The following C6orf89 variants were observed in gnomAD, a reference collection of about 807,000 sequenced individuals.
C6orf89 encodes chromosome 6 open reading frame 89, also known as bombesin receptor-activated protein C6orf89.
In C6orf89, 29 loss-of-function variants were observed where a neutral mutation model predicts 40.7. The observed-to-expected ratio is 0.71, with a 90% CI of 0.53 to 0.97. The LOEUF (loss-of-function observed/expected upper bound fraction) is 0.97. Among genes scored for constraint, C6orf89 ranks in the 50% least tolerant of loss-of-function variants. The pLI is 0.00. For synonymous variants in C6orf89, 165 were observed against 152.2 expected, an observed-to-expected ratio of 1.08 and a Z score of -0.62; for missense variants, 392 against 429.1, an observed-to-expected ratio of 0.91 and a Z score of 0.76.
At chr6:36,880,092 A>C (rs1303619327) in intron 2 of C6orf89, among the ~76,000 whole-genome samples, 1 of 152,162 alleles carries the variant, frequency 6.6e-6, no homozygotes, top group Non-Finnish European at 1.5e-5. Flanking sequence ...GACTATCTTA[A>C]ATTTTCCTTC....
intron 4 of C6orf89, among the ~76,000 whole-genome samples, chr6:36,913,524 G>A (rs1362257447): frequency 6.6e-6 from 1 of 152,228 alleles, no homozygotes. Flanking sequence ...TGTGTGAGAA[G>A]TGCATTAGGG....
Position 36,928,490 on chromosome 6 carries a change from C to T in C6orf89, c.*5049C>T. 6.5e-6 allele frequency: 1 copy of T among 153,018 alleles called. No homozygotes were observed. Among genetic ancestry groups the T allele is most frequent in the Non-Finnish European group, 1.5e-5 (1 of 68,448 alleles). 9.5% of individuals were successfully genotyped at this position (153,018 alleles called of 1,614,324 possible). On this transcript the variant is annotated 3_prime_UTR_variant, in exon 9 of 9. Coordinates refer to ENST00000480824, the MANE Select transcript of C6orf89 (RefSeq NM_001286635.2). ...GACCCTTCCAGGGAGGTGACAGGAG[C>T]CAGCAGACACATGACATTCCCAGAA...
At chr6:36,923,274 T>A (rs1418570640) in intron 8 of C6orf89, 73 bp from the exon 9 acceptor site, 2 of 1,115,684 alleles carry the variant, frequency 1.8e-6, no homozygotes, top group African/African-American at 3.1e-5. Context: ...CTGGCAGACC[T>A]GCCTTGCTCG....
rs189377716 is a variant in C6orf89, at chr6:36,878,662, G to T, written c.-627-346G>T. ...GGATGAACTATAACCTAGCTTTATA[G>T]TCAGACAAATTTGAAAACTTAACTT... is the stretch of plus-strand genomic sequence containing the variant. On this transcript the variant is annotated intron_variant, in intron 1 of 9. Coordinates refer to the C6orf89 transcript ENST00000359359. Among the ~76,000 whole-genome samples the T allele has an allele frequency of 2.3e-3, 337 of 145,670 alleles. 1 individual carries two copies. The highest frequency in any genetic ancestry group is 7.5e-3 in the African/African-American group (306 of 40,938).
chr6:36,914,227 G>C (rs1762230511), intron 4 of C6orf89, 57 bp from the exon 5 acceptor site: 4 of 1,445,406 alleles, frequency 2.8e-6, no homozygotes, highest in Admixed American at 4.2e-5. Context: ...GGAGCTACTG[G>C]ATGTACCAGC....
chr6:36,885,222 G>C (rs941252205), upstream of C6orf89, among the ~76,000 whole-genome samples: 9 of 152,144 alleles, frequency 5.9e-5, no homozygotes, highest in African/African-American at 2.2e-4. Context: ...CAATCCCAGC[G>C]GCCATACTTC....
rs1192396282 is a variant in C6orf89, at chr6:36,924,650, T to C, written c.*1209T>C. On this transcript the variant is annotated 3_prime_UTR_variant, in exon 9 of 9. Coordinates refer to ENST00000480824, the MANE Select transcript of C6orf89 (RefSeq NM_001286635.2). ...ATAAGGATGTTCTTTTCCTGTTCCTTTTATTTTTTTCTCTCTTTATTATTC... is the reference window on the plus strand; with the variant it reads ...ATAAGGATGTTCTTTTCCTGTTCCTCTTATTTTTTTCTCTCTTTATTATTC... The C allele has an allele frequency of 6.6e-6, 1 of 152,182 alleles. No individual in the cohort carries two copies. The highest frequency in any genetic ancestry group is 2.4e-5 in the African/African-American group (1 of 41,440). 9.4% of individuals were successfully genotyped at this position (152,182 alleles called of 1,614,324 possible).
intron 1 of C6orf89, among the ~76,000 whole-genome samples, chr6:36,875,640 A>C (rs1408988479): frequency 6.6e-6 from 1 of 152,270 alleles, no homozygotes; most frequent in Admixed American, 6.5e-5. Flanking sequence ...TAACGCTGTA[A>C]ATGCTTTGCA....
intron 4 of C6orf89, among the ~76,000 whole-genome samples, chr6:36,906,361 T>G (rs932236007): frequency 6.6e-6 from 1 of 152,232 alleles, no homozygotes. Flanking sequence ...CCAGGTACTG[T>G]GCCGTGCAGT....
chr6:36,921,589 C>T (rs1762511198), intron 8 of C6orf89, among the ~76,000 whole-genome samples: 2 of 152,128 alleles, frequency 1.3e-5, no homozygotes, highest in Non-Finnish European at 2.9e-5. Flanking sequence ...ACTCAGTGCT[C>T]TTCATTTAAA....
At chr6:36,897,241 A>G (rs530154075) in intron 2 of C6orf89, among the ~76,000 whole-genome samples, 2 of 152,244 alleles carry the variant, frequency 1.3e-5, no homozygotes, top group East Asian at 3.9e-4. Flanking sequence ...ATTAAAAATT[A>G]TATAGCTGTC....
Position 36,927,509 on chromosome 6 carries a change from A to C in C6orf89, c.*4068A>C, listed in dbSNP as rs561117616. On this transcript the variant is annotated 3_prime_UTR_variant, in exon 9 of 9. Coordinates refer to ENST00000480824, the MANE Select transcript of C6orf89 (RefSeq NM_001286635.2). ...CTTTCGAGAATCAGTTATAAACAGA[A>C]GGGCCTCTTAGGATTTTGAGCTCTC... 1 of 152,354 alleles carries C rather than the reference A, an allele frequency of 6.6e-6. No individual in the cohort carries two copies. The highest frequency in any genetic ancestry group is 2.1e-4 in the South Asian group (1 of 4,826). 9.4% of individuals were successfully genotyped at this position (152,354 alleles called of 1,614,324 possible). A position where few individuals can be genotyped will look rare whatever the true frequency, so the allele number is the denominator to read the frequency against.
chr6:36,916,636 C>G, intron 7 of C6orf89, 62 bp downstream of exon 7: 1 of 1,599,716 alleles, frequency 6.3e-7, no homozygotes, highest in Non-Finnish European at 8.6e-7. Context: ...GGACTGATGT[C>G]ATAACCAAGG....
intron 2 of C6orf89, among the ~76,000 whole-genome samples, chr6:36,898,278 C>CTTTTTTTTT (rs1210544625): frequency 7.8e-6 from 1 of 127,454 alleles, no homozygotes. Context: ...CTTTTCTTTT[C>CTTTTTTTTT]TTTTCTTTTT....
intron 2 of C6orf89, among the ~76,000 whole-genome samples, chr6:36,897,785 GC>G (rs1761494823): frequency 6.6e-6 from 1 of 152,196 alleles, no homozygotes. Context: ...AGGTGTGCTG[GC>G]GTGCGCTGGG....
chr6:36,878,762 C>T (rs900622181), intron 1 of C6orf89, among the ~76,000 whole-genome samples: 10 of 152,156 alleles, frequency 6.6e-5, no homozygotes, highest in African/African-American at 2.2e-4. Context: ...CATAGACTGC[C>T]GAATGTTCAA....
At position 36,907,841 on chromosome 6, in the gene C6orf89, T is replaced by C. The variant is rs78480766; in HGVS notation, c.403+5407T>C. ...AAGAAGTGAGATGCAGCATATTAGG[T>C]AGTCAAAAGCCGTAAACTAGGGTGG... On this transcript the variant is annotated intron_variant, in intron 4 of 8. Coordinates refer to ENST00000480824, the MANE Select transcript of C6orf89 (RefSeq NM_001286635.2). 1.9e-3 allele frequency among the ~76,000 whole-genome samples: 292 copies of C among 152,316 alleles called. 5 individuals are homozygous for C. In the East Asian group the frequency reaches 0.047, roughly 24 times the overall value.
intron 1 of C6orf89, chr6:36,875,006 T>C (rs1288027628): frequency 3.5e-5 from 19 of 536,250 alleles, no homozygotes; most frequent in Non-Finnish European, 3.3e-6. Context: ...TTCGCGGTGG[T>C]CTCCAAGTGG....
chr6:36,897,129 CAAAAAAAA>C (rs34191608), intron 2 of C6orf89, among the ~76,000 whole-genome samples: 3 of 85,366 alleles, frequency 3.5e-5, no homozygotes, highest in South Asian at 4.1e-4. Flanking sequence ...GACTCTGTCT[CAAAAAAAA>C]AAAAAAAAAA....
Sources: allele counts gnomAD v4.1 joint callset (sites outside exome capture counted in the v4.1 genomes callset), GRCh38; gene constraint gnomAD v4.1.1; transcripts MANE v1.5; gene names NCBI Gene and HGNC (gene_info 2026-07-23, HGNC 2026-07-21).